The following MATN3 variants were observed in gnomAD, a reference collection of about 807,000 sequenced individuals.
The protein encoded by MATN3 is matrilin 3.
A neutral mutation model predicts 45.3 loss-of-function variants in MATN3; 48 were observed. The ratio of observed to expected loss-of-function variants is 1.06; its 90% confidence interval spans 0.84 to 1.35. MATN3 has a LOEUF of 1.35. MATN3 is among the 40% of genes most tolerant of loss of function. The pLI is 0.00. For synonymous variants in MATN3, 217 were observed against 245.9 expected (o/e 0.88, Z 1.10); for missense variants, 599 against 628.0 (o/e 0.95, Z 0.49).
chr2:20,011,907 G>A (rs1358968431), intron 1 of MATN3, among the ~76,000 whole-genome samples: 1 of 152,208 alleles, frequency 6.6e-6, no homozygotes, highest in Non-Finnish European at 1.5e-5. Context: ...TCTTGATCCT[G>A]GGGTATCCTA....
At chr2:20,002,506 G>C (rs1222367351) in intron 3 of MATN3, among the ~76,000 whole-genome samples, 1 of 152,146 alleles carries the variant, frequency 6.6e-6, no homozygotes, top group African/African-American at 2.4e-5. Context: ...TGACTAGAGA[G>C]GAAGAGGGTA....
intron 1 of MATN3, among the ~76,000 whole-genome samples, chr2:20,007,459 G>A (rs1253452776): frequency 1.3e-5 from 2 of 152,064 alleles, no homozygotes; most frequent in Non-Finnish European, 2.9e-5. Flanking sequence ...AACCCGGGAG[G>A]TGGAGGTTGC....
In MATN3 at chr2:20,002,191, C is replaced by CATACACACACAG. The variant is rs147407955; in HGVS notation, c.917-112_917-111insCTGTGTGTGTAT. 444 of 758,236 alleles carry CATACACACACAG rather than the reference C, an allele frequency of 5.9e-4. 4 individuals carry two copies. The East Asian group carries it at 0.014, about 23-fold the overall frequency. 47.0% of individuals were successfully genotyped at this position (758,236 alleles called of 1,614,324 possible). On this transcript the variant is annotated intron_variant, in intron 3 of 7. Coordinates refer to ENST00000407540, the MANE Select transcript of MATN3 (RefSeq NM_002381.5). ...ACACACACACACACACACACACACACAGAGCTAATGAAACAAGGGAGGGGC... is the reference window on the plus strand; with the variant it reads ...ACACACACACACACACACACACACACATACACACACAGAGAGCTAATGAAACAAGGGAGGGGC...
At chr2:20,003,502 A>AAAT (rs1673031492) in intron 2 of MATN3, among the ~76,000 whole-genome samples, 1 of 152,252 alleles carries the variant, frequency 6.6e-6, no homozygotes, top group Non-Finnish European at 1.5e-5. Flanking sequence ...ATCTTGCTAT[A>AAAT]TAGACTTTCT....
chr2:20,000,234 C>T (rs985960020), intron 5 of MATN3, among the ~76,000 whole-genome samples: 1 of 152,214 alleles, frequency 6.6e-6, no homozygotes, highest in Non-Finnish European at 1.5e-5. Context: ...CCACTCCCTA[C>T]CTATTTCCCA....
rs1558368847 is a variant in MATN3, at chr2:19,993,118, T to C, written c.1454A>G (p.His485Arg). The stretch of plus-strand genomic sequence containing the variant: ...GTGAGAAATTGGAGCAATTTAACGA[T>C]GTATTTGTCCATATTCATTTATTTT... Reference protein sequence around the residue: ...KLKINEYGQIHR With the variant: ...KLKINEYGQIRR Residue 485 changes from histidine to arginine, a missense_variant, in exon 8 of 8, where the codon CAT becomes CGT. His to Arg is a conservative substitution (Grantham distance 29). Coordinates refer to ENST00000407540, the MANE Select transcript of MATN3 (RefSeq NM_002381.5). The C allele has an allele frequency of 1.9e-6, 3 of 1,612,688 alleles. No homozygotes were observed. The highest frequency in any genetic ancestry group is 2.5e-6 in the Non-Finnish European group (3 of 1,178,936).
Position 19,997,090 on chromosome 2 carries a change from A to G in MATN3, c.1294+44T>C, listed in dbSNP as rs570915562. The G allele has an allele frequency of 4.4e-6, 7 of 1,602,820 alleles. No individual in the cohort carries two copies. The African/African-American group carries it at 9.4e-5, about 22-fold the overall frequency. On this transcript the variant is annotated intron_variant, in intron 6 of 7. Transcript: ENST00000407540. The stretch of plus-strand genomic sequence containing the variant: ...GAAAGAAAAAAGCTTGCTCCTGAAA[A>G]ATTTTCCTACCAAAGGAAATAGCCT...
rs1672775003 is a variant in MATN3 at position 19,992,383 on chromosome 2, T to A, written c.*728A>T. 1 of 152,184 alleles carries A rather than the reference T, an allele frequency of 6.6e-6. No individual in the cohort carries two copies. Among genetic ancestry groups the A allele is most frequent in the Admixed American group, 6.5e-5 (1 of 15,286 alleles). 9.4% of individuals were successfully genotyped at this position (152,184 alleles called of 1,614,324 possible). A position where few individuals can be genotyped will look rare whatever the true frequency, so the allele number is the denominator to read the frequency against. On this transcript the variant is annotated 3_prime_UTR_variant, in exon 8 of 8. Coordinates refer to ENST00000407540, the MANE Select transcript of MATN3 (RefSeq NM_002381.5). ...TAGCAATTTTATAAATATATAACTT[T>A]GTCACTTGGATCCTGAAGCAAAATA... is the stretch of plus-strand genomic sequence containing the variant.
chr2:20,004,929 A>C (rs12986437), intron 2 of MATN3, among the ~76,000 whole-genome samples: 28,100 of 152,172 alleles, frequency 0.18, 2,943 homozygotes, highest in Non-Finnish European at 0.22. Context: ...AAAATAAAGC[A>C]TGAGTCCCAC....
intron 1 of MATN3, among the ~76,000 whole-genome samples, chr2:20,008,380 G>A (rs1333816534): frequency 6.6e-6 from 1 of 152,128 alleles, no homozygotes; most frequent in Non-Finnish European, 1.5e-5. Flanking sequence ...TCCTAATAAG[G>A]AGGCAGAAGT....
At chr2:20,003,733 C>G (rs1673037643) in intron 2 of MATN3, among the ~76,000 whole-genome samples, 1 of 152,228 alleles carries the variant, frequency 6.6e-6, no homozygotes. Context: ...TAGCCTATGT[C>G]TAAACAGAAT....
In MATN3 at chr2:20,008,892, G is replaced by A. The variant is rs548126465; in HGVS notation, c.224-2582C>T. 9.9e-5 allele frequency among the ~76,000 whole-genome samples: 15 copies of A among 152,090 alleles called. No homozygotes were observed. In the South Asian group the frequency reaches 1.5e-3, roughly 15 times the overall value. On this transcript the variant is annotated intron_variant, in intron 1 of 7. Coordinates refer to ENST00000407540, the MANE Select transcript of MATN3 (RefSeq NM_002381.5). ...TCCTGCTTGTTGACTTTAAGTCACC[G>A]CCCTGAAATATGCTGTATGTCATGC...
At position 20,003,180 on chromosome 2, in the gene MATN3, G is replaced by A. The variant is rs376655881; in HGVS notation, c.897C>T (p.Ala299=). ...CCTCACCTGAACACGTTTTCTTGTC[G>A]GCATTCAAGGTGTATCCTTGGCTAC... ...CECSQGYTLN[A]DKKTCSALDR... Residue 299 remains alanine (A), a synonymous_variant, in exon 3 of 8, where the codon GCC becomes GCT. Coordinates refer to ENST00000407540, the MANE Select transcript of MATN3 (RefSeq NM_002381.5). 8.7e-6 allele frequency: 14 copies of A among 1,613,906 alleles called. No homozygotes were observed. Among genetic ancestry groups the A allele is most frequent in the African/African-American group, 6.7e-5 (5 of 75,016 alleles).
intron 6 of MATN3, 117 bp downstream of exon 6, chr2:19,997,017 A>C (rs1487202441): frequency 9.6e-7 from 1 of 1,045,812 alleles, no homozygotes; most frequent in Non-Finnish European, 1.4e-6. Flanking sequence ...AGTGGGAGCC[A>C]CTGGAGAATT....
At chr2:20,005,566 T>C (rs924688423) in intron 2 of MATN3, among the ~76,000 whole-genome samples, 178 bp downstream of exon 2, 1 of 152,074 alleles carries the variant, frequency 6.6e-6, no homozygotes, top group Admixed American at 6.6e-5. Context: ...ACCAATAGAG[T>C]GTGTTTAGGT....
rs147407955 is a variant in MATN3, at chr2:20,002,191, C to CACACACACACAG, written c.917-112_917-111insCTGTGTGTGTGT. ...ACACACACACACACACACACACACA[C>CACACACACACAG]AGAGCTAATGAAACAAGGGAGGGGC... On this transcript the variant is annotated intron_variant, in intron 3 of 7. Coordinates refer to ENST00000407540, the MANE Select transcript of MATN3 (RefSeq NM_002381.5). 70,350 of 751,330 alleles carry CACACACACACAG rather than the reference C, an allele frequency of 0.094. 3,433 individuals carry two copies. The highest frequency in any genetic ancestry group is 0.15 in the Admixed American group (4,655 of 32,058). 46.5% of individuals were successfully genotyped at this position (751,330 alleles called of 1,614,324 possible).
At chr2:20,010,465 G>C (rs1390347125) in intron 1 of MATN3, among the ~76,000 whole-genome samples, 1 of 137,232 alleles carries the variant, frequency 7.3e-6, no homozygotes, top group African/African-American at 2.7e-5. Context: ...AGACTTTGCA[G>C]GTGTGATTAA....
Position 20,006,139 on chromosome 2 carries a change from T to C in MATN3, c.395A>G (p.Lys132Arg). Residue 132 changes from lysine to arginine, a missense_variant, in exon 2 of 8, where the codon AAG becomes AGG. Physicochemically the swap from Lys to Arg is conservative, Grantham distance 26 (BLOSUM62 2). Coordinates refer to ENST00000407540, the MANE Select transcript of MATN3 (RefSeq NM_002381.5). The stretch of plus-strand genomic sequence containing the variant: ...GTAGGCCTGGAGTTGGAACTCGATC[T>C]TCACAGTGCTAGCATAGTTCACCAC... ...VAVVNYASTV[K>R]IEFQLQAYTD... The C allele has an allele frequency of 6.2e-7, 1 of 1,614,032 alleles. No homozygotes were observed. The highest frequency in any genetic ancestry group is 8.5e-7 in the Non-Finnish European group (1 of 1,179,898).
At chr2:19,998,958 G>A (rs1672932076) in intron 5 of MATN3, among the ~76,000 whole-genome samples, 1 of 152,082 alleles carries the variant, frequency 6.6e-6, no homozygotes, top group African/African-American at 2.4e-5. Context: ...CCATGGGCAA[G>A]TTACTGAATC....
Sources: allele counts gnomAD v4.1 joint callset (sites outside exome capture counted in the v4.1 genomes callset), GRCh38; gene constraint gnomAD v4.1.1; transcripts MANE v1.5; gene names NCBI Gene and HGNC (gene_info 2026-07-23, HGNC 2026-07-21).